DNAH11: variants seen among roughly 807,000 people sequenced by gnomAD.
DNAH11 encodes the protein dynein axonemal heavy chain 11.
A neutral mutation model predicts 526.0 loss-of-function variants in DNAH11; 442 were observed. The observed-to-expected ratio is 0.84, with a 90% CI of 0.78 to 0.91. The LOEUF is 0.91. Among genes scored for constraint, DNAH11 ranks in the 40% least tolerant of loss-of-function variants. The probability of loss-of-function intolerance (pLI) is 0.00; values close to 1 mark genes in which losing one functional copy is unlikely to be tolerated. For synonymous variants in DNAH11, 2,461 were observed against 1,935.9 expected (o/e 1.27, Z -7.12); for missense variants, 6,989 against 5,448.7 (o/e 1.28, Z -8.90).
chr7:21,858,675 A>G (rs1274683610), intron 68 of DNAH11, among the ~76,000 whole-genome samples: 1 of 152,244 alleles, frequency 6.6e-6, no homozygotes, highest in Non-Finnish European at 1.5e-5. Flanking sequence ...AAATTATTCT[A>G]CAGTGACAGA....
chr7:21,843,334 C>T (rs931530734), intron 66 of DNAH11, among the ~76,000 whole-genome samples: 2 of 151,674 alleles, frequency 1.3e-5, no homozygotes, highest in Admixed American at 6.6e-5. Context: ...AGTTCTTTGG[C>T]AAGAAGGGGT....
chr7:21,884,527 C>A, intron 76 of DNAH11, 117 bp downstream of exon 76: 1 of 1,146,020 alleles, frequency 8.7e-7, no homozygotes, highest in Non-Finnish European at 1.2e-6. Flanking sequence ...GATGCTTGGC[C>A]TTTTGGGAAA....
intron 66 of DNAH11, 133 bp downstream of exon 66, chr7:21,842,881 A>C: frequency 2.6e-6 from 2 of 778,448 alleles, no homozygotes; most frequent in Middle Eastern, 2.4e-4. Context: ...AAATAAGTAT[A>C]CATGTTAAAA....
At chr7:21,593,100 C>G (rs1784745626) in intron 14 of DNAH11, among the ~76,000 whole-genome samples, 1 of 152,164 alleles carries the variant, frequency 6.6e-6, no homozygotes, top group African/African-American at 2.4e-5. Context: ...GGCCCAAAAA[C>G]TAGCCTCGAA....
In DNAH11 at chr7:21,544,975, A is replaced by G. The variant is rs762791804; in HGVS notation, c.352-31A>G. The G allele has an allele frequency of 1.2e-5, 18 of 1,533,756 alleles. No individual in the cohort carries two copies. In the South Asian group the frequency reaches 2.3e-4, roughly 19 times the overall value. ...AATCCTGCTTGTTAACAAGAAAACT[A>G]CTTGAACTAATTATCTTGCTCTTGT... On this transcript the variant is annotated intron_variant, in intron 1 of 81. Transcript: ENST00000409508.
At chr7:21,815,639 GC>G (rs1789749790) in intron 63 of DNAH11, among the ~76,000 whole-genome samples, 1 of 152,126 alleles carries the variant, frequency 6.6e-6, no homozygotes, top group Non-Finnish European at 1.5e-5. Context: ...AAGCTAGGGG[GC>G]TAGCTAGGTT....
rs757758620 is a variant in DNAH11, at chr7:21,867,908, T to C, written c.11740T>C (p.Leu3914=). 7 of 1,581,328 alleles carry C rather than the reference T, an allele frequency of 4.4e-6. No homozygotes were observed. Among genetic ancestry groups the C allele is most frequent in the East Asian group, 4.6e-5 (2 of 43,652 alleles). The change falls in exon 72 of 82, where the codon TTG becomes CTG. Residue 3914 remains leucine (L), a synonymous_variant. Coordinates refer to ENST00000409508, the MANE Select transcript of DNAH11 (RefSeq NM_001277115.2). ...LGAKYVERTR[L]DLVKAFEESS... The stretch of plus-strand genomic sequence containing the variant: ...TGCGAAGTATGTGGAGAGGACCAGA[T>C]TGGACTTAGTTAAAGCATTCGAAGA...
intron 56 of DNAH11, 118 bp from the exon 57 acceptor site, chr7:21,778,840 G>GA (rs1207770427): frequency 3.2e-6 from 4 of 1,260,242 alleles, no homozygotes; most frequent in Non-Finnish European, 4.3e-6. Flanking sequence ...AATCAGGGTA[G>GA]AGACAGATGC....
intron 74 of DNAH11, among the ~76,000 whole-genome samples, chr7:21,877,592 G>A (rs1385632581): frequency 6.6e-6 from 1 of 152,090 alleles, no homozygotes; most frequent in Non-Finnish European, 1.5e-5. Context: ...AGAGCCTCTT[G>A]AGGCTAGGCA....
At chr7:21,710,748 T>G in intron 41 of DNAH11, 45 bp downstream of exon 41, 1 of 1,556,714 alleles carries the variant, frequency 6.4e-7, no homozygotes, top group Non-Finnish European at 8.7e-7. Flanking sequence ...ACATCCTGAG[T>G]GTATTAAGAG....
intron 8 of DNAH11, among the ~76,000 whole-genome samples, chr7:21,575,456 T>C (rs1784054399): frequency 6.6e-6 from 1 of 152,372 alleles, no homozygotes; most frequent in Admixed American, 6.5e-5. Flanking sequence ...AACGAGTCTA[T>C]TGTTCTGCTG....
chr7:21,799,382 G>T (rs1415748535), intron 61 of DNAH11, among the ~76,000 whole-genome samples: 1 of 151,568 alleles, frequency 6.6e-6, no homozygotes, highest in African/African-American at 2.4e-5. Context: ...TTGTTTCCCA[G>T]ACTGGAGTGC....
intron 20 of DNAH11, among the ~76,000 whole-genome samples, chr7:21,609,913 C>T (rs555909609): frequency 2.0e-5 from 3 of 152,026 alleles, no homozygotes; most frequent in Non-Finnish European, 2.9e-5. Flanking sequence ...CAAAGGAAGC[C>T]GATGAGATCA....
intron 75 of DNAH11, among the ~76,000 whole-genome samples, chr7:21,881,700 C>G (rs546191977): frequency 6.6e-6 from 1 of 152,302 alleles, no homozygotes; most frequent in East Asian, 1.9e-4. Flanking sequence ...AATCACCCGT[C>G]TCTGTTTCTA....
At chr7:21,686,367 GA>G (rs1346061805) in intron 32 of DNAH11, among the ~76,000 whole-genome samples, 2 of 152,134 alleles carry the variant, frequency 1.3e-5, no homozygotes, top group East Asian at 3.9e-4. Context: ...TGTACTAAGA[GA>G]AAAACAATTT....
At chr7:21,559,546 A>T in intron 3 of DNAH11, 57 bp from the exon 4 acceptor site, 16 of 1,353,926 alleles carry the variant, frequency 1.2e-5, no homozygotes, top group Non-Finnish European at 1.6e-5. Flanking sequence ...ATTAAAGTCT[A>T]TGTCTTTGGA....
rs1325599685 is a variant in DNAH11, at chr7:21,590,775, T to C, written c.2170-143T>C. On this transcript the variant is annotated intron_variant, in intron 12 of 81. Coordinates refer to ENST00000409508, the MANE Select transcript of DNAH11 (RefSeq NM_001277115.2). ...ATGTATGATTTTTGTTTTTAAAAAG[T>C]ATATGAAACAAAAGTCTATTTACCT... The C allele has an allele frequency of 2.2e-5, 11 of 495,760 alleles. No homozygotes were observed. In the East Asian group the frequency reaches 4.1e-4, roughly 19 times the overall value. The allele number at this position is 495,760 out of a possible 1,614,324, so 30.7% of individuals were successfully genotyped here. A position where few individuals can be genotyped will look rare whatever the true frequency, so the allele number is the denominator to read the frequency against.
intron 65 of DNAH11, among the ~76,000 whole-genome samples, chr7:21,838,462 C>G (rs1782078684): frequency 1.3e-5 from 2 of 152,100 alleles, no homozygotes; most frequent in African/African-American, 4.8e-5. Context: ...CAGAGTTGGG[C>G]CAACATCAAC....
At chr7:21,610,400 C>A (rs1336038383) in intron 20 of DNAH11, among the ~76,000 whole-genome samples, 8 of 152,102 alleles carry the variant, frequency 5.3e-5, no homozygotes, top group Non-Finnish European at 8.8e-5. Flanking sequence ...CAAGTATCTT[C>A]CTAGTAACTA....
Sources: gnomAD v4.1 joint callset for allele counts (sites outside exome capture counted in the v4.1 genomes callset) on GRCh38, gnomAD v4.1.1 for gene constraint, MANE v1.5 for transcripts, NCBI Gene and HGNC (gene_info 2026-07-23, HGNC 2026-07-21) for gene names.